Variants in KIAA1549 observed in about 807,000 individuals in gnomAD.
The protein encoded by KIAA1549 is KIAA1549, also known as UPF0606 protein KIAA1549.
Under a neutral mutation model 156.4 loss-of-function variants are expected in KIAA1549, and 70 were observed. The ratio of observed to expected loss-of-function variants is 0.45; its 90% CI spans 0.37 to 0.55. KIAA1549 has a LOEUF of 0.55. Among genes scored for constraint, KIAA1549 ranks in the 20% least tolerant of loss-of-function variants. The pLI is 0.00. For missense variants in KIAA1549, 2,428 were observed against 2,540.9 expected (o/e 0.96, Z 0.96); for synonymous variants, 1,103 against 1,066.4 (o/e 1.03, Z -0.67).
chr7:138,909,201 T>A, intron 4 of KIAA1549, 80 bp from the exon 5 acceptor site: 1 of 1,434,144 alleles, frequency 7.0e-7, no homozygotes, highest in South Asian at 1.2e-5. Flanking sequence ...GAGAGAAACA[T>A]CGTATCTAAA....
intron 2 of KIAA1549, 71 bp from the exon 3 acceptor site, chr7:138,912,531 A>C (rs1217701750): frequency 7.8e-7 from 1 of 1,285,960 alleles, no homozygotes; most frequent in African/African-American, 1.5e-5. Flanking sequence ...AGACTTCTGG[A>C]CCCCAGCACT....
intron 6 of KIAA1549, among the ~76,000 whole-genome samples, chr7:138,905,889 A>C (rs2130455938): frequency 6.6e-6 from 1 of 152,328 alleles, no homozygotes; most frequent in Non-Finnish European, 1.5e-5. Flanking sequence ...AAATGTGTAT[A>C]TATTCACATA....
intron 18 of KIAA1549, among the ~76,000 whole-genome samples, chr7:138,840,850 G>A (rs536823982): frequency 3.9e-5 from 6 of 152,202 alleles, no homozygotes; most frequent in Admixed American, 2.6e-4. Flanking sequence ...CACCCCTGAT[G>A]CAACTGTTTT....
At chr7:138,967,688 G>A (rs766076924) in intron 1 of KIAA1549, among the ~76,000 whole-genome samples, 3 of 151,938 alleles carry the variant, frequency 2.0e-5, no homozygotes, top group Non-Finnish European at 4.4e-5. Flanking sequence ...TTAAACAGCT[G>A]TCCAGGAGAA....
chr7:138,857,313 A>G (rs1810422349), intron 16 of KIAA1549, among the ~76,000 whole-genome samples: 1 of 152,204 alleles, frequency 6.6e-6, no homozygotes, highest in Non-Finnish European at 1.5e-5. Context: ...TAGACCCTAC[A>G]TATGAATGGA....
intron 1 of KIAA1549, among the ~76,000 whole-genome samples, chr7:138,950,101 TG>T (rs1417043215): frequency 6.6e-6 from 1 of 152,168 alleles, no homozygotes; most frequent in Non-Finnish European, 1.5e-5. Context: ...CAGCTGGGGA[TG>T]GTAGTAACTG....
Position 138,871,238 on chromosome 7 carries a change from G to A in KIAA1549, c.4470C>T (p.Ala1490=), listed in dbSNP as rs1280343229. ...RRVPSKIQLI[A]MQPIPAPPVQ... is the part of the protein sequence containing the mutation. ...CGGGAGGTGCCGGGATCGGCTGCATGGCGATAAGCTGGATCTTACTGGGGA... is the reference window on the plus strand; with the variant it reads ...CGGGAGGTGCCGGGATCGGCTGCATAGCGATAAGCTGGATCTTACTGGGGA... The change falls in exon 13 of 20, where the codon GCC becomes GCT. Residue 1490 remains alanine (A), a synonymous_variant. Coordinates refer to ENST00000422774, the MANE Select transcript of KIAA1549 (RefSeq NM_001164665.2). 1 of 1,613,248 alleles carries A rather than the reference G, an allele frequency of 6.2e-7. No individual in the cohort carries two copies. Among genetic ancestry groups the A allele is most frequent in the Admixed American group, 1.7e-5 (1 of 59,970 alleles).
chr7:138,841,433 C>T (rs1360167944), intron 18 of KIAA1549, among the ~76,000 whole-genome samples: 5 of 152,154 alleles, frequency 3.3e-5, no homozygotes, highest in African/African-American at 9.7e-5. Flanking sequence ...CCCCCCTATA[C>T]CCAGACATCT....
intron 10 of KIAA1549, among the ~76,000 whole-genome samples, chr7:138,883,119 T>TAAAAG (rs1811294025): frequency 1.6e-5 from 1 of 63,490 alleles, no homozygotes; most frequent in Non-Finnish European, 2.9e-5. Context: ...AAAAAAAAAT[T>TAAAAG]CAGCCAGACA....
chr7:138,979,880 A>G (rs564802210), intron 1 of KIAA1549, among the ~76,000 whole-genome samples: 25 of 152,310 alleles, frequency 1.6e-4, no homozygotes, highest in South Asian at 1.4e-3. Context: ...AGGGAAAGTG[A>G]TGACTGTGAC....
In KIAA1549 at chr7:138,918,527, C is replaced by T; in HGVS notation, c.1099G>A (p.Ala367Thr). The part of the protein sequence containing the change: ...THSPLLSTPL[A>T]FASSASPTDV... Reference sequence around the variant, plus strand: ...GTTGGTGAAGCAGAGGACGCAAATGCAAGAGGAGTTGAAAGCAATGGAGAA... The same window carrying T: ...GTTGGTGAAGCAGAGGACGCAAATGTAAGAGGAGTTGAAAGCAATGGAGAA... The change falls in exon 2 of 20, where the codon GCA (alanine) becomes ACA (threonine). Residue 367 changes from alanine (A) to threonine (T), a missense_variant. Coordinates refer to ENST00000422774, the MANE Select transcript of KIAA1549 (RefSeq NM_001164665.2). The surrounding 1 kb of genome is among the most constrained non-coding windows in gnomAD (Gnocchi z 4.2). 6.2e-7 allele frequency: 1 copy of T among 1,614,010 alleles called. No homozygotes were observed. Among genetic ancestry groups the T allele is most frequent in the South Asian group, 1.1e-5 (1 of 91,088 alleles).
intron 1 of KIAA1549, among the ~76,000 whole-genome samples, chr7:138,935,932 A>C (rs567780492): frequency 3.9e-5 from 6 of 152,346 alleles, no homozygotes; most frequent in Middle Eastern, 3.4e-3. Context: ...GGAGAGAATA[A>C]TACTAGAAAA....
intron 10 of KIAA1549, among the ~76,000 whole-genome samples, chr7:138,892,358 G>T (rs1811568808): frequency 6.6e-6 from 1 of 152,156 alleles, no homozygotes. Context: ...TAGGAAATGT[G>T]GCCCATAAAA....
intron 10 of KIAA1549, among the ~76,000 whole-genome samples, chr7:138,883,699 C>T (rs1317942268): frequency 2.0e-5 from 3 of 152,170 alleles, no homozygotes; most frequent in African/African-American, 7.2e-5. Context: ...TAACAGTTTC[C>T]TTAATTCAAG....
chr7:138,877,136 C>T (rs1035257162), intron 12 of KIAA1549, among the ~76,000 whole-genome samples: 6 of 152,258 alleles, frequency 3.9e-5, no homozygotes, highest in African/African-American at 7.2e-5. Flanking sequence ...CCTCCCTCCC[C>T]GCTCCCCACC....
chr7:138,833,261 C>G lies in KIAA1549; in HGVS notation c.*4645G>C, dbSNP rs979496397. On this transcript the variant is annotated 3_prime_UTR_variant, in exon 20 of 20. Coordinates refer to ENST00000422774, the MANE Select transcript of KIAA1549 (RefSeq NM_001164665.2). ...CAGCTTTCCTTCCAAACGACAAATT[C>G]ATTCATGTCTGAGAATCTAGTGTGA... 4.3e-6 allele frequency: 1 copy of G among 232,602 alleles called. No individual in the cohort carries two copies. 14.4% of individuals were successfully genotyped at this position (232,602 alleles called of 1,614,324 possible). A position where few individuals can be genotyped will look rare whatever the true frequency, so the allele number is the denominator to read the frequency against.
intron 7 of KIAA1549, among the ~76,000 whole-genome samples, chr7:138,904,395 G>A (rs1241129899): frequency 2.0e-5 from 3 of 152,182 alleles, no homozygotes; most frequent in Non-Finnish European, 4.4e-5. Context: ...GGACCTTGAC[G>A]TGGGATGCTG....
intron 6 of KIAA1549, among the ~76,000 whole-genome samples, chr7:138,905,598 T>G (rs1811983555): frequency 6.6e-6 from 1 of 152,254 alleles, no homozygotes; most frequent in African/African-American, 2.4e-5. Context: ...TTCTTTTTAG[T>G]TTAATTAACA....
chr7:138,857,599 C>T (rs528892543), intron 16 of KIAA1549, among the ~76,000 whole-genome samples: 1 of 152,320 alleles, frequency 6.6e-6, no homozygotes, highest in African/African-American at 2.4e-5. Flanking sequence ...ATTCTCATCA[C>T]CATAATTGTA....
Sources: gnomAD v4.1 joint callset for allele counts (sites outside exome capture counted in the v4.1 genomes callset) on GRCh38, gnomAD v4.1.1 for gene constraint, Gnocchi (gnomAD v3.1) non-coding constraint, MANE v1.5 for transcripts, NCBI Gene and HGNC (gene_info 2026-07-23, HGNC 2026-07-21) for gene names.